The following NLK variants were observed in gnomAD, a reference collection of about 807,000 sequenced individuals.
NLK encodes the protein nemo like kinase, also known as serine/threonine-protein kinase NLK.
NLK carries 11 observed loss-of-function variants against 59.0 expected under a neutral mutation model. That is an observed-to-expected ratio of 0.19 (90% CI 0.12 to 0.31). The LOEUF is 0.31. Among genes scored for constraint, NLK ranks in the 10% least tolerant of loss-of-function variants. The pLI, the probability that NLK is intolerant of heterozygous loss-of-function variation, is 1.00. For missense variants in NLK, 410 were observed against 661.1 expected, an observed-to-expected ratio of 0.62 and a Z score of 4.16; for synonymous variants, 235 against 235.9, an observed-to-expected ratio of 1.00 and a Z score of 0.03.
intron 1 of NLK, among the ~76,000 whole-genome samples, chr17:28,098,910 G>A (rs1384427065): frequency 6.6e-6 from 1 of 151,828 alleles, no homozygotes; most frequent in Non-Finnish European, 1.5e-5. Flanking sequence ...TTGAACTCCC[G>A]ACCTCAGGTG....
chr17:28,141,621 T>C (rs1021123562), intron 3 of NLK, among the ~76,000 whole-genome samples: 1 of 152,196 alleles, frequency 6.6e-6, no homozygotes, highest in Non-Finnish European at 1.5e-5. Flanking sequence ...TTTTCAGACG[T>C]GTTAAGGAAA....
At chr17:28,152,945 T>A (rs1273472824) in intron 3 of NLK, among the ~76,000 whole-genome samples, 2 of 151,934 alleles carry the variant, frequency 1.3e-5, no homozygotes, top group East Asian at 3.9e-4. Context: ...AGGATTTTTT[T>A]ATTTTTTATT....
At chr17:28,050,250 A>T (rs1909200938) in intron 1 of NLK, among the ~76,000 whole-genome samples, 1 of 152,136 alleles carries the variant, frequency 6.6e-6, no homozygotes, top group Admixed American at 6.5e-5. Context: ...TAAGAATGAG[A>T]GTCAACCAAT....
At chr17:28,180,790 T>G (rs1908873623) in intron 7 of NLK, among the ~76,000 whole-genome samples, 1 of 152,076 alleles carries the variant, frequency 6.6e-6, no homozygotes, top group Non-Finnish European at 1.5e-5. Context: ...CAGTAAAAAT[T>G]TTTCAGGAAT....
intron 3 of NLK, among the ~76,000 whole-genome samples, chr17:28,133,524 T>G (rs1906608607): frequency 6.6e-6 from 1 of 152,134 alleles, no homozygotes; most frequent in Non-Finnish European, 1.5e-5. Context: ...TGGTGATAGC[T>G]CCATGGTAAT....
intron 7 of NLK, among the ~76,000 whole-genome samples, chr17:28,181,783 G>A (rs2142065946): frequency 6.6e-6 from 1 of 152,114 alleles, no homozygotes; most frequent in South Asian, 2.1e-4. Context: ...GGCCGAGGAG[G>A]GCCAAAGGCT....
chr17:28,203,699 G>T, the NLK span, among the ~76,000 whole-genome samples: 1 of 152,106 alleles, frequency 6.6e-6, no homozygotes, highest in Non-Finnish European at 1.5e-5. Context: ...ACCACGCCTG[G>T]CTAATTTTTG....
intron 3 of NLK, among the ~76,000 whole-genome samples, chr17:28,146,228 TCA>T (rs1051110669): frequency 9.2e-5 from 14 of 152,184 alleles, no homozygotes; most frequent in Admixed American, 8.5e-4. Context: ...TCCCTAAGCC[TCA>T]GTTTCCTCAA....
At chr17:28,110,847 G>GT (rs1597686594) in intron 1 of NLK, among the ~76,000 whole-genome samples, 1 of 151,314 alleles carries the variant, frequency 6.6e-6, no homozygotes, top group Admixed American at 6.6e-5. Context: ...TTGTTTGTTT[G>GT]TTTTTGTTTT....
chr17:28,104,022 A>C (rs867952188), intron 1 of NLK, among the ~76,000 whole-genome samples: 2 of 152,150 alleles, frequency 1.3e-5, no homozygotes, highest in East Asian at 3.8e-4. Flanking sequence ...ATTTTATTAC[A>C]TTATTCACTG....
intron 2 of NLK, among the ~76,000 whole-genome samples, chr17:28,130,155 T>C (rs571348312): frequency 2.5e-4 from 38 of 152,324 alleles, no homozygotes; most frequent in African/African-American, 8.7e-4. Context: ...TATTTATATC[T>C]TAAGGCTAAT....
intron 3 of NLK, among the ~76,000 whole-genome samples, chr17:28,156,161 A>G (rs1337375932): frequency 6.6e-6 from 1 of 152,212 alleles, no homozygotes; most frequent in East Asian, 1.9e-4. Context: ...ATACAAAAAT[A>G]TAAGAGCCAG....
chr17:28,055,439 T>A (rs1909408012), intron 1 of NLK, among the ~76,000 whole-genome samples: 1 of 151,896 alleles, frequency 6.6e-6, no homozygotes, highest in South Asian at 2.1e-4. Context: ...TGGGCTCAAG[T>A]GATCCTCCCA....
chr17:28,121,087 C>G (rs1567719641), intron 1 of NLK, among the ~76,000 whole-genome samples: 1 of 151,648 alleles, frequency 6.6e-6, no homozygotes, highest in South Asian at 2.1e-4. Flanking sequence ...ATTCTTTTTT[C>G]TTTTTTTTGA....
intron 6 of NLK, among the ~76,000 whole-genome samples, chr17:28,170,787 A>G (rs1017122724): frequency 6.6e-6 from 1 of 152,214 alleles, no homozygotes; most frequent in Non-Finnish European, 1.5e-5. Flanking sequence ...TATGTGAGGG[A>G]AAGTGTGAAG....
At chr17:28,074,514 G>A (rs950484798) in intron 1 of NLK, among the ~76,000 whole-genome samples, 4 of 152,164 alleles carry the variant, frequency 2.6e-5, no homozygotes, top group African/African-American at 9.7e-5. Context: ...GGGGTAGGGG[G>A]TTGAGGAGGT....
downstream of NLK, among the ~76,000 whole-genome samples, chr17:28,197,462 C>T (rs1364172720): frequency 7.6e-5 from 11 of 144,258 alleles, no homozygotes; most frequent in Admixed American, 7.6e-4. Context: ...GAGTGAGATT[C>T]TGTCTCAAAA....
intron 1 of NLK, among the ~76,000 whole-genome samples, chr17:28,060,903 T>C (rs547752844): frequency 2.0e-5 from 3 of 152,190 alleles, no homozygotes; most frequent in East Asian, 1.9e-4. Flanking sequence ...TACAAAGATA[T>C]ATTTATAAGG....
At chr17:28,085,368 A>G (rs1365760173) in intron 1 of NLK, among the ~76,000 whole-genome samples, 5 of 152,242 alleles carry the variant, frequency 3.3e-5, no homozygotes, top group Admixed American at 3.3e-4. Flanking sequence ...AAGCGAAGAA[A>G]GTACATACAG....
Sources: allele counts gnomAD v4.1 joint callset (sites outside exome capture counted in the v4.1 genomes callset), GRCh38; gene constraint gnomAD v4.1.1; transcripts MANE v1.5; gene names NCBI Gene and HGNC (gene_info 2026-07-23, HGNC 2026-07-21).